DTNA: variants seen among roughly 807,000 people sequenced by gnomAD.
The protein encoded by DTNA is dystrobrevin alpha.
In DTNA, 43 loss-of-function variants were observed where a neutral mutation model predicts 100.7. The ratio of observed to expected loss-of-function variants is 0.43; its 90% CI spans 0.33 to 0.55. The LOEUF is 0.55. DTNA is among the 20% of genes least tolerant of loss of function. The pLI is 0.04. For missense variants in DTNA, 798 were observed against 953.9 expected, an observed-to-expected ratio of 0.84 and a Z score of 2.15; for synonymous variants, 349 against 347.9, an observed-to-expected ratio of 1.00 and a Z score of -0.04.
At chr18:34,815,707 CTA>C (rs1205417126) in intron 6 of DTNA, 200 bp from the exon 7 acceptor site, 11 of 545,740 alleles carry the variant, frequency 2.0e-5, no homozygotes, top group Admixed American at 2.9e-5. Flanking sequence ...GAATTCAGTC[CTA>C]TGTCTGCTTA....
intron 1 of DTNA, among the ~76,000 whole-genome samples, chr18:34,723,978 A>G (rs544156503): frequency 6.6e-6 from 1 of 152,332 alleles, no homozygotes; most frequent in Non-Finnish European, 1.5e-5. Flanking sequence ...CATTCAAAAT[A>G]AAATCAAACT....
At chr18:34,719,844 C>T (rs1418343348) in intron 1 of DTNA, among the ~76,000 whole-genome samples, 27 of 152,142 alleles carry the variant, frequency 1.8e-4, no homozygotes, top group Admixed American at 1.3e-3. Context: ...ATCAGTTTGA[C>T]TGGCACAGTT....
At position 34,691,635 on chromosome 18, in the gene DTNA, T is replaced by C. The variant is rs142483681; in HGVS notation, c.-1-64341T>C. 2.9e-3 allele frequency among the ~76,000 whole-genome samples: 438 copies of C among 152,316 alleles called. 1 individual carries two copies. Among genetic ancestry groups the C allele is most frequent in the African/African-American group, 9.4e-3 (392 of 41,584 alleles). On this transcript the variant is annotated intron_variant, in intron 1 of 19. Transcript: ENST00000283365. ...TCATAATACTGGTACAATGGACCTCTTGGGTCTCACTGCCTACCTTTGCTT... is the reference window on the plus strand; with the variant it reads ...TCATAATACTGGTACAATGGACCTCCTGGGTCTCACTGCCTACCTTTGCTT...
At chr18:34,842,694 C>T (rs144188324) in intron 13 of DTNA, among the ~76,000 whole-genome samples, 1 of 152,270 alleles carries the variant, frequency 6.6e-6, no homozygotes, top group Admixed American at 6.5e-5. Context: ...CCATTTCACC[C>T]CTACTATATG....
rs933647529 is a variant in DTNA at position 34,887,872 on chromosome 18, C to G, written c.*138C>G. On this transcript the variant is annotated 3_prime_UTR_variant, in exon 23 of 23. Coordinates refer to ENST00000444659, the MANE Select transcript of DTNA (RefSeq NM_001386795.1). The stretch of plus-strand genomic sequence containing the variant: ...GACAGCAGCCTGGCAGCAGCCTCAC[C>G]GAAGAGAGGAACCACCACACCCAGC... The G allele has an allele frequency of 1.4e-5, 14 of 986,576 alleles. No homozygotes were observed. The highest frequency in any genetic ancestry group is 5.2e-5 in the African/African-American group (3 of 57,248). 61.1% of individuals were successfully genotyped at this position (986,576 alleles called of 1,614,324 possible).
intron 1 of DTNA, among the ~76,000 whole-genome samples, chr18:34,738,100 A>G (rs946657536): frequency 6.6e-6 from 1 of 152,158 alleles, no homozygotes; most frequent in Non-Finnish European, 1.5e-5. Context: ...TATTCCAAGC[A>G]ATGGGATCAG....
intron 1 of DTNA, among the ~76,000 whole-genome samples, chr18:34,508,239 AG>A (rs1487828541): frequency 6.6e-6 from 1 of 152,132 alleles, no homozygotes; most frequent in Non-Finnish European, 1.5e-5. Flanking sequence ...AGGTATTTGG[AG>A]GTGAGAGTGG....
chr18:34,642,518 CTTCTTTCCTTCT>C (rs1272712675), intron 1 of DTNA, among the ~76,000 whole-genome samples: 2 of 146,660 alleles, frequency 1.4e-5, no homozygotes, highest in Middle Eastern at 3.4e-3. Flanking sequence ...TCTTTCTTTC[CTTCTTTCCTTCT>C]TTCTTTCCTT....
chr18:34,670,302 T>C (rs985292769), intron 1 of DTNA, among the ~76,000 whole-genome samples: 10 of 152,168 alleles, frequency 6.6e-5, no homozygotes, highest in African/African-American at 2.2e-4. Context: ...TCTGCATTGG[T>C]TATTCTAGTT....
At chr18:34,550,834 TA>T (rs982641204) in intron 1 of DTNA, among the ~76,000 whole-genome samples, 1 of 152,198 alleles carries the variant, frequency 6.6e-6, no homozygotes, top group Non-Finnish European at 1.5e-5. Context: ...ATTATCTCTT[TA>T]AAGGAAAAAA....
At chr18:34,771,749 C>T (rs1160769638) in intron 3 of DTNA, among the ~76,000 whole-genome samples, 1 of 152,154 alleles carries the variant, frequency 6.6e-6, no homozygotes, top group Non-Finnish European at 1.5e-5. Flanking sequence ...TTTAAATAAT[C>T]CTTTCTAATC....
intron 1 of DTNA, among the ~76,000 whole-genome samples, chr18:34,578,590 G>C (rs1168750337): frequency 6.6e-6 from 1 of 152,066 alleles, no homozygotes; most frequent in Non-Finnish European, 1.5e-5. Flanking sequence ...TCTAGCATTT[G>C]CATAGTTTAA....
At chr18:34,547,811 AT>A (rs1374043187) in intron 1 of DTNA, among the ~76,000 whole-genome samples, 1 of 152,154 alleles carries the variant, frequency 6.6e-6, no homozygotes, top group Non-Finnish European at 1.5e-5. Context: ...GGAGAAGACT[AT>A]TGGATATTAA....
At chr18:34,777,762 G>A (rs752506577) in intron 3 of DTNA, among the ~76,000 whole-genome samples, 2 of 152,146 alleles carry the variant, frequency 1.3e-5, no homozygotes, top group African/African-American at 2.4e-5. Flanking sequence ...CAGCATGGGG[G>A]AAACTGCCCC....
intron 1 of DTNA, among the ~76,000 whole-genome samples, chr18:34,726,236 T>TA (rs2086661692): frequency 6.6e-6 from 1 of 151,982 alleles, no homozygotes; most frequent in Non-Finnish European, 1.5e-5. Flanking sequence ...CCCCAGAACT[T>TA]AAAGTATAAT....
At chr18:34,591,851 T>C (rs2049763047) in intron 1 of DTNA, among the ~76,000 whole-genome samples, 1 of 152,188 alleles carries the variant, frequency 6.6e-6, no homozygotes, top group Non-Finnish European at 1.5e-5. Flanking sequence ...GCCACCAATC[T>C]ATATGGGGCA....
chr18:34,609,631 A>G (rs1200046642), intron 1 of DTNA, among the ~76,000 whole-genome samples: 2 of 152,066 alleles, frequency 1.3e-5, no homozygotes, highest in African/African-American at 2.4e-5. Context: ...TGTCTTCAAA[A>G]TTTGTTTTGA....
Position 34,602,952 on chromosome 18 carries a change from G to A in DTNA, c.-2+109438G>A, listed in dbSNP as rs558868887. On this transcript the variant is annotated intron_variant, in intron 1 of 19. Coordinates refer to the DTNA transcript ENST00000283365. Reference sequence around the variant, plus strand: ...GGTGAGGCAGAGGTTGCAGTGAACCGAGATCACGCCATTGTACTCCAGCCC... The same window carrying A: ...GGTGAGGCAGAGGTTGCAGTGAACCAAGATCACGCCATTGTACTCCAGCCC... Among the ~76,000 whole-genome samples, 44 of 151,396 alleles carry A rather than the reference G, an allele frequency of 2.9e-4. No individual in the cohort carries two copies. The South Asian group carries it at 9.0e-3, about 31-fold the overall frequency.
chr18:34,547,915 G>A (rs543711082), intron 1 of DTNA, among the ~76,000 whole-genome samples: 99 of 152,212 alleles, frequency 6.5e-4, no homozygotes, highest in African/African-American at 2.2e-3. Context: ...AACCAACTAA[G>A]TGTTAACCCA....
Sources: allele counts gnomAD v4.1 joint callset (sites outside exome capture counted in the v4.1 genomes callset), GRCh38; gene constraint gnomAD v4.1.1; transcripts MANE v1.5; gene names NCBI Gene and HGNC (gene_info 2026-07-23, HGNC 2026-07-21).